PTK2B: variants seen among roughly 807,000 people sequenced by gnomAD.
PTK2B encodes protein-tyrosine kinase 2-beta.
Under a neutral mutation model 142.9 loss-of-function variants are expected in PTK2B, and 71 were observed. The ratio of observed to expected loss-of-function variants is 0.50; its 90% confidence interval spans 0.41 to 0.61. The LOEUF is 0.61. PTK2B is among the 20% of genes least tolerant of loss of function. The probability of loss-of-function intolerance (pLI) is 0.00; values close to 1 mark genes in which losing one functional copy is unlikely to be tolerated. For missense variants in PTK2B, 1,105 were observed against 1,320.4 expected (o/e 0.84, Z 2.53); for synonymous variants, 519 against 503.4 (o/e 1.03, Z -0.42).
At chr8:27,422,241 C>G (rs1472919991) in intron 4 of PTK2B, 63 bp from the exon 5 acceptor site, 2 of 1,484,182 alleles carry the variant, frequency 1.3e-6, no homozygotes, top group Non-Finnish European at 1.8e-6. Flanking sequence ...TCTTCTGAGG[C>G]CTCTGTGCAG....
chr8:27,450,744 C>T lies in PTK2B; in HGVS notation c.2341-5C>T, dbSNP rs765216875. 6.2e-7 allele frequency: 1 copy of T among 1,614,154 alleles called. No individual in the cohort carries two copies. Among genetic ancestry groups the T allele is most frequent in the Non-Finnish European group, 8.5e-7 (1 of 1,180,006 alleles). On this transcript the variant is annotated splice_region_variant and splice_polypyrimidine_tract_variant and intron_variant, in intron 24 of 30. Coordinates refer to ENST00000346049, the MANE Select transcript of PTK2B (RefSeq NM_173176.3). ...TCCTCTCCCTTCTCTCTGCCGTCCT[C>T]CCAGGAGGAGGACTTCATCCAACCC...
At chr8:27,455,753 T>C (rs1328903678) in intron 30 of PTK2B, among the ~76,000 whole-genome samples, 1 of 152,274 alleles carries the variant, frequency 6.6e-6, no homozygotes, top group Non-Finnish European at 1.5e-5. Context: ...TTCAGACTTT[T>C]GCCCTTCAGA....
rs1013368701 is a variant in PTK2B, at chr8:27,372,268, A to G, written c.-37-25280A>G. On this transcript the variant is annotated intron_variant, in intron 1 of 30. Coordinates refer to ENST00000346049, the MANE Select transcript of PTK2B (RefSeq NM_173176.3). The stretch of plus-strand genomic sequence containing the variant: ...CAGAGAAACAGAACAGACAAGATGT[A>G]GAGATGTCTATAAAGAGATTTATTA... Among the ~76,000 whole-genome samples the G allele has an allele frequency of 3.9e-5, 6 of 152,342 alleles. No individual in the cohort carries two copies. The East Asian group carries it at 7.7e-4, about 20-fold the overall frequency.
At chr8:27,410,681 CAAAAG>C (rs1394967387) in intron 2 of PTK2B, among the ~76,000 whole-genome samples, 4 of 152,174 alleles carry the variant, frequency 2.6e-5, no homozygotes, top group South Asian at 2.1e-4. Context: ...TGAGCACTGA[CAAAAG>C]AGAAGGAAAG....
chr8:27,436,104 A>AC (rs1342561257), intron 14 of PTK2B, 147 bp from the exon 15 acceptor site: 2 of 786,792 alleles, frequency 2.5e-6, no homozygotes, highest in African/African-American at 3.5e-5. Context: ...AACATTCTAG[A>AC]CCCCCATTTC....
At chr8:27,369,378 A>G (rs1188499060) in intron 1 of PTK2B, among the ~76,000 whole-genome samples, 1 of 152,230 alleles carries the variant, frequency 6.6e-6, no homozygotes, top group East Asian at 1.9e-4. Context: ...TTCATGTATT[A>G]AGAACTTAAG....
chr8:27,349,236 C>A (rs1804897683), intron 1 of PTK2B, among the ~76,000 whole-genome samples: 1 of 152,170 alleles, frequency 6.6e-6, no homozygotes, highest in African/African-American at 2.4e-5. Flanking sequence ...AATCCCAGAT[C>A]CCTTTTTCTG....
At chr8:27,422,096 G>A (rs1809790288) in intron 4 of PTK2B, among the ~76,000 whole-genome samples, 1 of 152,206 alleles carries the variant, frequency 6.6e-6, no homozygotes, top group Non-Finnish European at 1.5e-5. Flanking sequence ...GCCTGTAAAA[G>A]CACCTCGAAA....
chr8:27,436,022 A>C (rs943935427), intron 14 of PTK2B, among the ~76,000 whole-genome samples: 1 of 152,044 alleles, frequency 6.6e-6, no homozygotes, highest in African/African-American at 2.4e-5. Context: ...CGGGGATTCT[A>C]GTAACGTGGA....
intron 1 of PTK2B, among the ~76,000 whole-genome samples, chr8:27,350,834 G>A (rs972013129): frequency 6.7e-6 from 1 of 150,224 alleles, no homozygotes; most frequent in East Asian, 1.9e-4. Flanking sequence ...AAAAATTAGG[G>A]TGTTGGTGGC....
chr8:27,352,510 C>T (rs551920650), intron 1 of PTK2B, among the ~76,000 whole-genome samples: 24 of 152,328 alleles, frequency 1.6e-4, no homozygotes, highest in Non-Finnish European at 3.1e-4. Context: ...CACTTGTAAA[C>T]TTCTTTTTGC....
intron 30 of PTK2B, among the ~76,000 whole-genome samples, chr8:27,455,651 G>C (rs1812100855): frequency 6.6e-6 from 1 of 152,254 alleles, no homozygotes; most frequent in Admixed American, 6.5e-5. Flanking sequence ...GAAGGCAGCA[G>C]CCTGTCAGAG....
At chr8:27,382,149 T>C (rs778456999) in intron 1 of PTK2B, among the ~76,000 whole-genome samples, 3 of 152,220 alleles carry the variant, frequency 2.0e-5, no homozygotes, top group Non-Finnish European at 4.4e-5. Context: ...GCTTTCCCCA[T>C]GTTGGCCAGG....
At chr8:27,328,441 G>A (rs896123496) in intron 1 of PTK2B, among the ~76,000 whole-genome samples, 1 of 152,196 alleles carries the variant, frequency 6.6e-6, no homozygotes, top group African/African-American at 2.4e-5. Flanking sequence ...TTAAGAATTC[G>A]TTAAGAGAAA....
intron 2 of PTK2B, among the ~76,000 whole-genome samples, chr8:27,406,427 G>A (rs1808716940): frequency 6.6e-6 from 1 of 152,078 alleles, no homozygotes; most frequent in South Asian, 2.1e-4. Flanking sequence ...CCTCCATTCA[G>A]GCACACACAG....
chr8:27,370,560 T>A (rs893824365), intron 1 of PTK2B, among the ~76,000 whole-genome samples: 3 of 152,238 alleles, frequency 2.0e-5, no homozygotes, highest in African/African-American at 7.2e-5. Context: ...TTCCCTTTTG[T>A]AAAATATGCC....
intron 18 of PTK2B, 82 bp from the exon 19 acceptor site, chr8:27,438,949 T>A: frequency 7.7e-7 from 1 of 1,304,430 alleles, no homozygotes; most frequent in African/African-American, 1.5e-5. Flanking sequence ...GGTCTCTTTT[T>A]CCATCTGTCT....
At chr8:27,458,002 C>G (rs1220319268) in intron 30 of PTK2B, among the ~76,000 whole-genome samples, 3 of 134,792 alleles carry the variant, frequency 2.2e-5, no homozygotes, top group Non-Finnish European at 4.7e-5. Context: ...AAAAAAAGAT[C>G]AGATTCGCAT....
At chr8:27,410,242 G>A (rs1808976869) in intron 2 of PTK2B, among the ~76,000 whole-genome samples, 1 of 152,232 alleles carries the variant, frequency 6.6e-6, no homozygotes, top group Non-Finnish European at 1.5e-5. Context: ...CGTGTTGATG[G>A]GAGCTCCCAA....
Sources: allele counts gnomAD v4.1 joint callset (sites outside exome capture counted in the v4.1 genomes callset), GRCh38; gene constraint gnomAD v4.1.1; transcripts MANE v1.5; gene names NCBI Gene and HGNC (gene_info 2026-07-23, HGNC 2026-07-21).